The following ZNF385D variants were observed in gnomAD, a reference collection of about 807,000 sequenced individuals.
The protein encoded by ZNF385D is zinc finger protein 385D, also known as zinc finger protein 659.
A neutral mutation model predicts 35.8 loss-of-function variants in ZNF385D; 15 were observed. The observed-to-expected ratio is 0.42, with a 90% CI of 0.28 to 0.64. The LOEUF (loss-of-function observed/expected upper bound fraction) is 0.64, where lower values mean the gene tolerates loss of function less well. Ranked by LOEUF, ZNF385D falls within the 30% of genes least tolerant of loss-of-function variation. ZNF385D has a pLI of 0.23. For synonymous variants in ZNF385D, 212 were observed against 186.8 expected (o/e 1.13, Z -1.10); for missense variants, 474 against 494.6 (o/e 0.96, Z 0.39).
At chr3:22,119,703 T>C (rs970874220) in intron 3 of ZNF385D, among the ~76,000 whole-genome samples, 1 of 152,170 alleles carries the variant, frequency 6.6e-6, no homozygotes, top group Non-Finnish European at 1.5e-5. Flanking sequence ...GATTGGAAGA[T>C]ATGCTGTTTT....
At chr3:21,560,838 C>A (rs1407616940) in intron 3 of ZNF385D, among the ~76,000 whole-genome samples, 2 of 152,084 alleles carry the variant, frequency 1.3e-5, no homozygotes, top group African/African-American at 4.8e-5. Context: ...TTCAGAGATG[C>A]CCTGCCCAGG....
intron 3 of ZNF385D, among the ~76,000 whole-genome samples, chr3:22,116,359 C>G (rs983427494): frequency 6.6e-6 from 1 of 151,840 alleles, no homozygotes; most frequent in Non-Finnish European, 1.5e-5. Context: ...CTCCTTTTTT[C>G]CATTAAATTA....
rs576385159 is a variant in ZNF385D at position 22,227,745 on chromosome 3, G to T, written c.107-58710C>A. Among the ~76,000 whole-genome samples, 3 of 152,190 alleles carry T rather than the reference G, an allele frequency of 2.0e-5. No homozygotes were observed. In the South Asian group the frequency reaches 6.2e-4, roughly 32 times the overall value. On this transcript the variant is annotated intron_variant, in intron 2 of 5. Coordinates refer to the ZNF385D transcript ENST00000494108. ...AGTTACCAACCCTTTTCATGGCAAT[G>T]ACTCTAATGACCTATAAGTTACAAC...
chr3:22,195,755 A>G (rs1219899792), intron 2 of ZNF385D, among the ~76,000 whole-genome samples: 2 of 152,062 alleles, frequency 1.3e-5, no homozygotes, highest in Non-Finnish European at 2.9e-5. Context: ...CACAATAGCA[A>G]AGACATGGAA....
intron 2 of ZNF385D, among the ~76,000 whole-genome samples, chr3:22,241,321 T>C (rs1699481065): frequency 2.6e-5 from 4 of 151,116 alleles, no homozygotes; most frequent in Non-Finnish European, 5.9e-5. Flanking sequence ...CAGTGTTCCC[T>C]TGCACTCATC....
At chr3:22,127,034 T>C (rs1438118942) in intron 3 of ZNF385D, among the ~76,000 whole-genome samples, 6 of 152,124 alleles carry the variant, frequency 3.9e-5, no homozygotes, top group East Asian at 1.9e-4. Flanking sequence ...GAATATCTTT[T>C]TCCATCTCAT....
intron 2 of ZNF385D, among the ~76,000 whole-genome samples, chr3:22,281,294 GGCC>G: frequency 6.6e-6 from 1 of 152,006 alleles, no homozygotes; most frequent in Non-Finnish European, 1.5e-5. Flanking sequence ...TGATGAAAGT[GGCC>G]ATCCTTGTCT....
At chr3:22,025,440 T>C (rs952508274) in intron 3 of ZNF385D, among the ~76,000 whole-genome samples, 2 of 152,150 alleles carry the variant, frequency 1.3e-5, no homozygotes, top group African/African-American at 4.8e-5. Context: ...CTTTGAGTTC[T>C]CTAATCTATA....
chr3:22,206,796 A>G (rs1054906366), intron 2 of ZNF385D, among the ~76,000 whole-genome samples: 11 of 151,982 alleles, frequency 7.2e-5, no homozygotes, highest in African/African-American at 2.4e-5. Flanking sequence ...GAGGAAGTTT[A>G]TAAATGCCAA....
intron 2 of ZNF385D, among the ~76,000 whole-genome samples, chr3:22,231,228 G>C (rs1229562341): frequency 1.3e-5 from 2 of 152,186 alleles, no homozygotes; most frequent in East Asian, 3.9e-4. Context: ...TCCTGAGAAA[G>C]TGTTGCAAGA....
At chr3:22,136,782 T>A (rs1351280363) in intron 3 of ZNF385D, among the ~76,000 whole-genome samples, 1 of 152,068 alleles carries the variant, frequency 6.6e-6, no homozygotes, top group African/African-American at 2.4e-5. Flanking sequence ...GTCAAGCCAC[T>A]AAAAGACATG....
At chr3:21,566,957 A>ATT (rs2125659326) in intron 2 of ZNF385D, among the ~76,000 whole-genome samples, 1 of 152,188 alleles carries the variant, frequency 6.6e-6, no homozygotes, top group South Asian at 2.1e-4. Flanking sequence ...GTATGTGGTG[A>ATT]TTTGTGTCTG....
chr3:21,628,759 T>C (rs958383182), intron 2 of ZNF385D, among the ~76,000 whole-genome samples: 1 of 152,150 alleles, frequency 6.6e-6, no homozygotes, highest in Admixed American at 6.6e-5. Flanking sequence ...TAAGCACTCC[T>C]GGTGATTCTG....
At chr3:22,014,727 C>T (rs533914946) in intron 3 of ZNF385D, among the ~76,000 whole-genome samples, 3 of 151,928 alleles carry the variant, frequency 2.0e-5, no homozygotes, top group African/African-American at 7.3e-5. Context: ...TAAGAAAGTG[C>T]AAACCGCTAA....
intron 2 of ZNF385D, among the ~76,000 whole-genome samples, chr3:22,345,367 A>G (rs1171476733): frequency 6.6e-6 from 1 of 152,214 alleles, no homozygotes; most frequent in Non-Finnish European, 1.5e-5. Context: ...TCAATGACTG[A>G]AAGCTGTGTA....
At chr3:21,442,823 A>G (rs756892891) in intron 4 of ZNF385D, among the ~76,000 whole-genome samples, 1 of 151,742 alleles carries the variant, frequency 6.6e-6, no homozygotes, top group Non-Finnish European at 1.5e-5. Flanking sequence ...GTGCACACTT[A>G]TGAGTGTATA....
intron 2 of ZNF385D, among the ~76,000 whole-genome samples, chr3:22,347,020 C>A (rs1695687634): frequency 6.6e-6 from 1 of 152,080 alleles, no homozygotes; most frequent in Admixed American, 6.5e-5. Context: ...TAACTGCCAA[C>A]CCACATAATG....
chr3:22,164,515 C>T (rs930062034), intron 3 of ZNF385D, among the ~76,000 whole-genome samples: 5 of 151,736 alleles, frequency 3.3e-5, no homozygotes, highest in Non-Finnish European at 7.4e-5. Flanking sequence ...GCATGAGCCA[C>T]CATACCCGGC....
chr3:22,360,831 CTG>C (rs764593214), intron 2 of ZNF385D, among the ~76,000 whole-genome samples: 2 of 151,986 alleles, frequency 1.3e-5, no homozygotes, highest in Non-Finnish European at 2.9e-5. Flanking sequence ...AAATGAATAA[CTG>C]TATTCCTATG....
Sources: allele counts gnomAD v4.1 joint callset (sites outside exome capture counted in the v4.1 genomes callset), GRCh38; gene constraint gnomAD v4.1.1; transcripts MANE v1.5; gene names NCBI Gene and HGNC (gene_info 2026-07-23, HGNC 2026-07-21).